The following SNX25 variants were observed in gnomAD, a reference collection of about 807,000 sequenced individuals.
SNX25 encodes the protein sorting nexin-25.
Under a neutral mutation model 113.7 loss-of-function variants are expected in SNX25, and 62 were observed. The ratio of observed to expected loss-of-function variants is 0.55; its 90% CI spans 0.44 to 0.67. The LOEUF (loss-of-function observed/expected upper bound fraction) is 0.67, where lower values mean the gene tolerates loss of function less well. SNX25 is among the 30% of genes least tolerant of loss of function. The pLI, the probability that SNX25 is intolerant of heterozygous loss-of-function variation, is 0.00. For missense variants in SNX25, 1,014 were observed against 1,161.0 expected (o/e 0.87, Z 1.84); for synonymous variants, 421 against 436.2 (o/e 0.97, Z 0.43).
intron 5 of SNX25, among the ~76,000 whole-genome samples, chr4:185,285,808 T>A (rs923704480): frequency 6.6e-6 from 1 of 152,212 alleles, no homozygotes; most frequent in African/African-American, 2.4e-5. Flanking sequence ...GGTCTTGCTC[T>A]GTTGCCCAGG....
intron 6 of SNX25, among the ~76,000 whole-genome samples, chr4:185,301,959 G>A (rs909502061): frequency 6.6e-6 from 1 of 151,472 alleles, no homozygotes; most frequent in African/African-American, 2.4e-5. Flanking sequence ...GAGTGCAATG[G>A]TGTGATCTCA....
At chr4:185,364,341 T>G (rs1434372497), downstream of SNX25, 1 of 152,160 alleles carries the variant, frequency 6.6e-6, no homozygotes, top group Non-Finnish European at 1.5e-5. Context: ...GTACAGACTT[T>G]GTGTTATTGA....
intron 11 of SNX25, among the ~76,000 whole-genome samples, chr4:185,340,780 T>G (rs2095255826): frequency 6.6e-6 from 1 of 152,216 alleles, no homozygotes; most frequent in Non-Finnish European, 1.5e-5. Context: ...CACAAGGGTC[T>G]GTGCCCTGGC....
At chr4:185,347,722 C>G (rs533316314) in intron 13 of SNX25, among the ~76,000 whole-genome samples, 1 of 152,148 alleles carries the variant, frequency 6.6e-6, no homozygotes, top group Non-Finnish European at 1.5e-5. Context: ...CTGCCCACCT[C>G]GACCTCCCAA....
intron 5 of SNX25, among the ~76,000 whole-genome samples, chr4:185,286,672 T>C (rs1751394582): frequency 6.6e-6 from 1 of 152,142 alleles, no homozygotes; most frequent in African/African-American, 2.4e-5. Flanking sequence ...TCACTTTCCC[T>C]GATAAAACTG....
At chr4:185,299,319 T>G (rs1753297755) in intron 6 of SNX25, among the ~76,000 whole-genome samples, 1 of 151,996 alleles carries the variant, frequency 6.6e-6, no homozygotes, top group African/African-American at 2.4e-5. Context: ...AGAGATGAGA[T>G]TAATAGACAA....
chr4:185,364,446 T>A (rs2095379573), downstream of SNX25: 1 of 152,128 alleles, frequency 6.6e-6, no homozygotes, highest in African/African-American at 2.4e-5. Flanking sequence ...CCAAGAATAT[T>A]GAAAACAAAA....
At chr4:185,251,335 C>G (rs758118659) in intron 2 of SNX25, among the ~76,000 whole-genome samples, 1 of 152,126 alleles carries the variant, frequency 6.6e-6, no homozygotes, top group Non-Finnish European at 1.5e-5. Context: ...TATCATGCAA[C>G]CAATCTCTAG....
At chr4:185,258,081 G>C (rs3112855) in intron 2 of SNX25, among the ~76,000 whole-genome samples, 73,434 of 152,136 alleles carry the variant, frequency 0.48, 18,509 homozygotes, top group East Asian at 0.58. Context: ...TGAGGCAGAG[G>C]ACCTTAGGAC....
intron 1 of SNX25, among the ~76,000 whole-genome samples, chr4:185,218,919 T>C (rs1281288490): frequency 6.6e-6 from 1 of 152,140 alleles, no homozygotes; most frequent in African/African-American, 2.4e-5. Context: ...TCTGATCTCA[T>C]ACAGAACCTC....
rs1225899943 is a variant in SNX25 at position 185,363,495 on chromosome 4, T to C, written c.*30T>C. 3.8e-6 allele frequency: 6 copies of C among 1,599,332 alleles called. No homozygotes were observed. The highest frequency in any genetic ancestry group is 5.1e-6 in the Non-Finnish European group (6 of 1,166,790). On this transcript the variant is annotated 3_prime_UTR_variant, in exon 19 of 19. Transcript: ENST00000652585. This position sits in a 1 kb window ranked among gnomAD's most constrained non-coding sequence, Gnocchi z 4.2. ...ACACAAATAAACCACCAGAAAAATG[T>C]CTGTGTAATAATAGACATGAAACAT...
At chr4:185,373,892 C>G (rs1409784051), downstream of SNX25, among the ~76,000 whole-genome samples, 1 of 152,088 alleles carries the variant, frequency 6.6e-6, no homozygotes, top group Non-Finnish European at 1.5e-5. Flanking sequence ...TGTTTCTCTT[C>G]TTTTAGCTTT....
At chr4:185,356,164 T>C (rs2095338022) in intron 15 of SNX25, among the ~76,000 whole-genome samples, 1 of 151,938 alleles carries the variant, frequency 6.6e-6, no homozygotes, top group Admixed American at 6.6e-5. Flanking sequence ...TGTGTGTGTA[T>C]CGGGGGGTTA....
intron 1 of SNX25, among the ~76,000 whole-genome samples, chr4:185,240,643 CG>C (rs571501281): frequency 1.4e-5 from 2 of 146,398 alleles, no homozygotes; most frequent in African/African-American, 5.2e-5. Flanking sequence ...GCTGGCTGGG[CG>C]GGGGGCTAAC....
intron 1 of SNX25, among the ~76,000 whole-genome samples, chr4:185,224,435 A>C: frequency 1.5e-5 from 1 of 68,818 alleles, no homozygotes; most frequent in Admixed American, 1.7e-4. Flanking sequence ...ATAAAAATAT[A>C]TAGATATATA....
downstream of SNX25, among the ~76,000 whole-genome samples, chr4:185,371,458 C>G (rs1287442980): frequency 1.4e-5 from 2 of 146,004 alleles, no homozygotes; most frequent in Middle Eastern, 3.5e-3. Context: ...AGGAGAATGG[C>G]GTGAACCCGG....
At chr4:185,340,981 C>G (rs2095257063) in intron 11 of SNX25, among the ~76,000 whole-genome samples, 2 of 152,138 alleles carry the variant, frequency 1.3e-5, no homozygotes, top group Non-Finnish European at 2.9e-5. Flanking sequence ...AGTCAGGGAC[C>G]CTGTCTGTGC....
intron 11 of SNX25, chr4:185,369,656 A>G (rs969639423): frequency 1.6e-5 from 6 of 386,146 alleles, no homozygotes; most frequent in Admixed American, 3.4e-5. Context: ...CTATGTGTCT[A>G]TGTTTATGTT....
chr4:185,325,351 G>C (rs1218063007), intron 9 of SNX25, among the ~76,000 whole-genome samples: 1 of 152,078 alleles, frequency 6.6e-6, no homozygotes, highest in Non-Finnish European at 1.5e-5. Context: ...GGCCAACACA[G>C]TGAAACCCCG....
Sources: gnomAD v4.1 joint callset for allele counts (sites outside exome capture counted in the v4.1 genomes callset) on GRCh38, gnomAD v4.1.1 for gene constraint, Gnocchi (gnomAD v3.1) non-coding constraint, MANE v1.5 for transcripts, NCBI Gene and HGNC (gene_info 2026-07-23, HGNC 2026-07-21) for gene names.